DACH1: variants seen among roughly 807,000 people sequenced by gnomAD.
DACH1 encodes the protein dachshund family transcription factor 1, also known as dachshund homolog 1.
Under a neutral mutation model 54.2 loss-of-function variants are expected in DACH1, and 12 were observed. The observed-to-expected ratio is 0.22, with a 90% CI of 0.14 to 0.36. The LOEUF (loss-of-function observed/expected upper bound fraction) is 0.36. DACH1 is among the 10% of genes least tolerant of loss of function. DACH1 has a pLI of 1.00. For synonymous variants in DACH1, 386 were observed against 366.2 expected, an observed-to-expected ratio of 1.05 and a Z score of -0.62; for missense variants, 805 against 929.8, an observed-to-expected ratio of 0.87 and a Z score of 1.75.
rs143499385 is a variant in DACH1, at chr13:71,685,877, A to G, written c.849-3967T>C. ...CTAACTTAGAAAACTTGATTAAATC[A>G]GGATTTCTTTAAGAAGTGTTTTGTA... On this transcript the variant is annotated intron_variant, in intron 1 of 10. Transcript: ENST00000613252. Among the ~76,000 whole-genome samples the G allele has an allele frequency of 1.3e-3, 198 of 152,338 alleles. 1 individual carries two copies. The highest frequency in any genetic ancestry group is 4.6e-3 in the African/African-American group (192 of 41,584).
intron 6 of DACH1, among the ~76,000 whole-genome samples, chr13:71,516,671 T>A (rs2138270170): frequency 6.6e-6 from 1 of 152,028 alleles, no homozygotes; most frequent in South Asian, 2.1e-4. Context: ...TGATCAACAT[T>A]GTACTAAAAT....
chr13:71,444,774 G>T (rs1293929458), intron 10 of DACH1, among the ~76,000 whole-genome samples: 4 of 152,040 alleles, frequency 2.6e-5, no homozygotes, highest in Non-Finnish European at 5.9e-5. Context: ...TCTACAAAGT[G>T]GTACCTAAGC....
At chr13:71,526,201 C>T (rs555917306) in intron 6 of DACH1, among the ~76,000 whole-genome samples, 15 of 152,212 alleles carry the variant, frequency 9.9e-5, no homozygotes, top group Middle Eastern at 3.4e-3. Context: ...ACTCTTTTAA[C>T]GATACATAGA....
intron 3 of DACH1, among the ~76,000 whole-genome samples, chr13:71,627,086 A>T (rs1336045499): frequency 6.6e-6 from 1 of 151,992 alleles, no homozygotes; most frequent in Non-Finnish European, 1.5e-5. Context: ...TTTTGTTGGA[A>T]AGATATGAGC....
chr13:71,685,114 A>C (rs548543916), intron 1 of DACH1, among the ~76,000 whole-genome samples: 10 of 152,282 alleles, frequency 6.6e-5, no homozygotes, highest in Middle Eastern at 3.4e-3. Context: ...TGGCCACAGG[A>C]ATTGTCCCCA....
At chr13:71,522,860 TTC>T (rs1205889649) in intron 6 of DACH1, among the ~76,000 whole-genome samples, 1 of 152,110 alleles carries the variant, frequency 6.6e-6, no homozygotes. Context: ...TGAAATTCTT[TTC>T]TCTCTTTTAT....
intron 6 of DACH1, among the ~76,000 whole-genome samples, chr13:71,497,295 G>A (rs947396506): frequency 6.6e-6 from 1 of 151,660 alleles, no homozygotes; most frequent in African/African-American, 2.4e-5. Context: ...AATGTGCCAC[G>A]GAGGAAATTC....
intron 3 of DACH1, among the ~76,000 whole-genome samples, chr13:71,613,147 T>C (rs1008999144): frequency 2.6e-5 from 4 of 152,194 alleles, no homozygotes; most frequent in African/African-American, 4.8e-5. Context: ...GAAAGACATT[T>C]AAGCAGAGAC....
intron 1 of DACH1, among the ~76,000 whole-genome samples, chr13:71,797,800 T>C (rs1016874681): frequency 2.0e-5 from 3 of 152,130 alleles, no homozygotes; most frequent in Admixed American, 1.3e-4. Flanking sequence ...TACCGAGTCA[T>C]GAAATTTTCT....
At chr13:71,577,809 TG>T (rs776851564) in intron 3 of DACH1, among the ~76,000 whole-genome samples, 2 of 152,186 alleles carry the variant, frequency 1.3e-5, no homozygotes, top group Admixed American at 6.6e-5. Context: ...AAAAATGTTT[TG>T]GACAAAGATA....
chr13:71,448,813 C>A (rs79923808), intron 10 of DACH1, among the ~76,000 whole-genome samples: 4,241 of 130,056 alleles, frequency 0.033, 211 homozygotes, highest in African/African-American at 0.1. Flanking sequence ...AAAGTAGTAA[C>A]AGATTCTGTG....
In DACH1 at chr13:71,833,611, T is replaced by A. The variant is rs535281875; in HGVS notation, c.848+32311A>T. Among the ~76,000 whole-genome samples the A allele has an allele frequency of 6.6e-5, 10 of 152,102 alleles. No individual in the cohort carries two copies. The South Asian group carries it at 1.5e-3, about 22-fold the overall frequency. On this transcript the variant is annotated intron_variant, in intron 1 of 10. Transcript: ENST00000613252. ...ATCACAATTCAGAGCCCACACCAAC[T>A]ATGGGATTTGGTGACACAGCCTGGG...
chr13:71,786,773 T>G (rs1399391397), intron 1 of DACH1, among the ~76,000 whole-genome samples: 7 of 152,258 alleles, frequency 4.6e-5, no homozygotes, highest in African/African-American at 1.7e-4. Context: ...GACATAAAAC[T>G]TCTATCAGAA....
chr13:71,490,341 T>A (rs1291781557), intron 6 of DACH1, among the ~76,000 whole-genome samples: 1 of 152,210 alleles, frequency 6.6e-6, no homozygotes, highest in African/African-American at 2.4e-5. Context: ...CTGCCACACT[T>A]CCCTGTCCCT....
chr13:71,672,120 CA>C (rs1446640324), intron 2 of DACH1, among the ~76,000 whole-genome samples: 1 of 152,050 alleles, frequency 6.6e-6, no homozygotes, highest in East Asian at 1.9e-4. Context: ...AAGTGTAGAG[CA>C]AAATAGTACT....
intron 1 of DACH1, among the ~76,000 whole-genome samples, chr13:71,734,927 A>G (rs1188333904): frequency 2.7e-5 from 4 of 149,232 alleles, no homozygotes; most frequent in Non-Finnish European, 4.5e-5. Flanking sequence ...ATATGTATAT[A>G]TACATATATA....
intron 2 of DACH1, among the ~76,000 whole-genome samples, chr13:71,652,338 C>G (rs964025945): frequency 2.0e-5 from 3 of 152,124 alleles, no homozygotes; most frequent in Admixed American, 2.0e-4. Context: ...AGTCATTCCA[C>G]TCCTCTGCTT....
intron 7 of DACH1, among the ~76,000 whole-genome samples, chr13:71,485,745 G>A (rs1460375637): frequency 6.6e-6 from 1 of 151,000 alleles, no homozygotes; most frequent in African/African-American, 2.4e-5. Flanking sequence ...ACCACACCCA[G>A]CTAATTTTTA....
At chr13:71,726,929 G>A (rs999334230) in intron 1 of DACH1, among the ~76,000 whole-genome samples, 2 of 151,924 alleles carry the variant, frequency 1.3e-5, no homozygotes, top group South Asian at 2.1e-4. Flanking sequence ...TTAGAGAAAT[G>A]TTTAGAAAAT....
Sources: gnomAD v4.1 joint callset for allele counts (sites outside exome capture counted in the v4.1 genomes callset) on GRCh38, gnomAD v4.1.1 for gene constraint, MANE v1.5 for transcripts, NCBI Gene and HGNC (gene_info 2026-07-23, HGNC 2026-07-21) for gene names.